The following DACH2 variants were observed in gnomAD, a reference collection of about 807,000 sequenced individuals.
DACH2 encodes dachshund homolog 2.
DACH2 carries 17 observed loss-of-function variants against 35.8 expected under a neutral mutation model. The ratio of observed to expected loss-of-function variants is 0.48; its 90% CI spans 0.33 to 0.71. The LOEUF is 0.71. DACH2 is among the 30% of genes least tolerant of loss of function. The pLI, the probability that DACH2 is intolerant of heterozygous loss-of-function variation, is 0.02. For missense variants in DACH2, 469 were observed against 472.7 expected, an observed-to-expected ratio of 0.99 and a Z score of 0.07; for synonymous variants, 195 against 177.3, an observed-to-expected ratio of 1.10 and a Z score of -0.79.
intron 1 of DACH2, among the ~76,000 whole-genome samples, chrX:86,339,995 T>C (rs568410973): frequency 8.9e-6 from 1 of 112,199 alleles, no homozygotes; most frequent in South Asian, 3.7e-4. Context: ...ATTATCTTTA[T>C]TGCTAACCTT....
At chrX:86,615,601 T>A (rs1262257422) in intron 3 of DACH2, among the ~76,000 whole-genome samples, 2 of 111,321 alleles carry the variant, frequency 1.8e-5, no homozygotes. Context: ...AGTAATTGAC[T>A]TTGTTTTATA....
intron 4 of DACH2, among the ~76,000 whole-genome samples, chrX:86,684,531 A>T (rs777905838): frequency 1.5e-3 from 162 of 111,256 alleles, no homozygotes; most frequent in South Asian, 6.4e-3. Flanking sequence ...AGGTATATAT[A>T]CTTAAATTAT....
intron 3 of DACH2, among the ~76,000 whole-genome samples, chrX:86,546,795 T>G (rs1028159242): frequency 4.5e-5 from 5 of 110,124 alleles, no homozygotes; most frequent in Admixed American, 3.9e-4. Context: ...ATTACAGGCT[T>G]CAGCCACTGC....
chrX:86,396,133 G>A (rs1482016657), intron 2 of DACH2, among the ~76,000 whole-genome samples: 1 of 112,181 alleles, frequency 8.9e-6, no homozygotes, highest in Non-Finnish European at 1.9e-5. Context: ...TTTCTCCGAT[G>A]GCCAGTGATG....
intron 1 of DACH2, among the ~76,000 whole-genome samples, chrX:86,296,360 C>T (rs1342567515): frequency 1.1e-5 from 1 of 87,984 alleles, no homozygotes; most frequent in Admixed American, 1.4e-4. Flanking sequence ...CTGCCTGGGC[C>T]ACAGAGCGAG....
intron 2 of DACH2, among the ~76,000 whole-genome samples, chrX:86,491,191 T>C (rs2038087981): frequency 8.9e-6 from 1 of 112,037 alleles, no homozygotes; most frequent in African/African-American, 3.2e-5. Context: ...ATTCAGTCTG[T>C]CTGTCTTCTT....
chrX:86,478,812 C>T (rs1236839197), intron 2 of DACH2, among the ~76,000 whole-genome samples: 1 of 109,965 alleles, frequency 9.1e-6, no homozygotes, highest in African/African-American at 3.3e-5. Context: ...CTCCAGAAGC[C>T]CCAGTGGCCA....
chrX:86,610,359 CT>C (rs2039916072), intron 3 of DACH2, among the ~76,000 whole-genome samples: 1 of 89,778 alleles, frequency 1.1e-5, no homozygotes, highest in African/African-American at 3.9e-5. Flanking sequence ...TCCTTCCTTC[CT>C]TCCTCTTTCT....
intron 1 of DACH2, among the ~76,000 whole-genome samples, chrX:86,313,936 T>TTA (rs1353818951): frequency 2.7e-5 from 3 of 112,056 alleles, no homozygotes; most frequent in Non-Finnish European, 5.6e-5. Context: ...GCAAATGGTT[T>TTA]CATTATTATT....
At chrX:86,253,785 G>A (rs1351166611) in intron 1 of DACH2, among the ~76,000 whole-genome samples, 1 of 111,865 alleles carries the variant, frequency 8.9e-6, no homozygotes, top group Non-Finnish European at 1.9e-5. Flanking sequence ...AGAAGAATAA[G>A]GAAAGGCAAC....
At chrX:86,360,486 T>A (rs1454290805) in intron 1 of DACH2, among the ~76,000 whole-genome samples, 1 of 111,800 alleles carries the variant, frequency 8.9e-6, no homozygotes, top group Non-Finnish European at 1.9e-5. Context: ...GAAAATAAGG[T>A]CATTGAATTT....
intron 2 of DACH2, among the ~76,000 whole-genome samples, chrX:86,399,132 G>T (rs921607639): frequency 8.9e-6 from 1 of 111,942 alleles, no homozygotes; most frequent in Admixed American, 9.5e-5. Context: ...GTACCATTAT[G>T]TAATGCCCTT....
chrX:86,285,795 G>T (rs1215050635), intron 1 of DACH2, among the ~76,000 whole-genome samples: 1 of 111,574 alleles, frequency 9.0e-6, no homozygotes, highest in Non-Finnish European at 1.9e-5. Context: ...CTGTATTGGG[G>T]TCTCACCTCT....
At chrX:86,566,521 A>G (rs2039294294) in intron 3 of DACH2, among the ~76,000 whole-genome samples, 2 of 111,605 alleles carry the variant, frequency 1.8e-5, no homozygotes, top group Non-Finnish European at 3.8e-5. Context: ...CAGGAACAGA[A>G]AATAAGCCTT....
At position 86,718,609 on chromosome X, in the gene DACH2, A is replaced by T. The variant is rs768540605; in HGVS notation, c.1104+3889A>T. ...ATTTTTATAGTATTTTTATAATTTC[A>T]TGTCTTGCATTTAAGGGTTTAATCC... On this transcript the variant is annotated intron_variant, in intron 6 of 11. Transcript: ENST00000373125. Among the ~76,000 whole-genome samples the T allele has an allele frequency of 5.4e-5, 6 of 111,734 alleles. No individual in the cohort carries two copies. The South Asian group carries it at 2.2e-3, about 41-fold the overall frequency.
At chrX:86,150,469 G>C (rs1407327372) in intron 1 of DACH2, among the ~76,000 whole-genome samples, 1 of 112,249 alleles carries the variant, frequency 8.9e-6, no homozygotes, top group Non-Finnish European at 1.9e-5. Context: ...GCTTACTGCT[G>C]CAATAAGATA....
At chrX:86,672,492 A>G (rs1446707218) in intron 4 of DACH2, among the ~76,000 whole-genome samples, 2 of 111,518 alleles carry the variant, frequency 1.8e-5, no homozygotes, top group African/African-American at 6.5e-5. Context: ...GATCAACCTC[A>G]GGACGCTGCT....
At chrX:86,641,724 A>C (rs1272923725) in intron 3 of DACH2, among the ~76,000 whole-genome samples, 1 of 112,013 alleles carries the variant, frequency 8.9e-6, no homozygotes, top group Non-Finnish European at 1.9e-5. Context: ...GTAACCTACA[A>C]AGGGATTCCC....
chrX:86,240,203 G>T (rs1422746278), intron 1 of DACH2, among the ~76,000 whole-genome samples: 1 of 111,253 alleles, frequency 9.0e-6, no homozygotes, highest in Non-Finnish European at 1.9e-5. Flanking sequence ...CTTTATAGTA[G>T]TTTTGAAAGA....
Sources: allele counts gnomAD v4.1 joint callset (sites outside exome capture counted in the v4.1 genomes callset), GRCh38; gene constraint gnomAD v4.1.1; transcripts MANE v1.5; gene names NCBI Gene and HGNC (gene_info 2026-07-23, HGNC 2026-07-21).